Variants in LYRM4 observed in about 807,000 individuals in gnomAD.
The protein encoded by LYRM4 is LYR motif-containing protein 4.
LYRM4 carries 9 observed loss-of-function variants against 11.7 expected under a neutral mutation model. The observed-to-expected ratio is 0.77, with a 90% CI of 0.46 to 1.34. LYRM4 has a LOEUF of 1.34. LYRM4 is among the 40% of genes most tolerant of loss of function. LYRM4 has a pLI of 0.00. For synonymous variants in LYRM4, 42 were observed against 40.4 expected (o/e 1.04, Z -0.15); for missense variants, 133 against 112.5 (o/e 1.18, Z -0.82).
intron 2 of LYRM4, among the ~76,000 whole-genome samples, chr6:5,190,872 C>G (rs1760711875): frequency 6.6e-6 from 1 of 152,156 alleles, no homozygotes; most frequent in Non-Finnish European, 1.5e-5. Context: ...GCTTCAGGAA[C>G]TTCCAGATAT....
chr6:5,071,808 T>G, the LYRM4 span, among the ~76,000 whole-genome samples: 74 of 152,084 alleles, frequency 4.9e-4, 1 homozygote, highest in African/African-American at 1.7e-3. Context: ...CAGCTAATTT[T>G]TGTGTGTGTG....
intron 1 of LYRM4, among the ~76,000 whole-genome samples, chr6:5,257,714 G>A (rs979659390): frequency 2.6e-5 from 4 of 152,164 alleles, no homozygotes; most frequent in Non-Finnish European, 4.4e-5. Context: ...TGCTCCTTAT[G>A]AGAATCTAAT....
chr6:5,225,966 A>G lies in LYRM4; in HGVS notation c.87-9228T>C, dbSNP rs1183168104. 1.3e-5 allele frequency among the ~76,000 whole-genome samples: 2 copies of G among 152,124 alleles called. 1 individual carries two copies. The highest frequency in any genetic ancestry group is 2.9e-5 in the Non-Finnish European group (2 of 68,014). On this transcript the variant is annotated intron_variant, in intron 1 of 2. Coordinates refer to ENST00000330636, the MANE Select transcript of LYRM4 (RefSeq NM_020408.6). ...ATGTCCACCACATTGTCCCAGGTCT[A>G]TTTGTACTTCTGTTTATATCCTTTG...
At chr6:5,142,754 G>T (rs766583584) in intron 2 of LYRM4, among the ~76,000 whole-genome samples, 2 of 152,182 alleles carry the variant, frequency 1.3e-5, no homozygotes, top group Non-Finnish European at 2.9e-5. Flanking sequence ...ATTAGGAGAT[G>T]GTGTAAACTG....
downstream of LYRM4, chr6:5,103,698 G>A (rs1193819495): frequency 4.9e-5 from 7 of 143,672 alleles, no homozygotes; most frequent in South Asian, 2.2e-4. Context: ...GTTCAGTGGC[G>A]TGATCCCGGC....
chr6:5,054,051 T>A, the LYRM4 span: 1 of 881,356 alleles, frequency 1.1e-6, no homozygotes, highest in Non-Finnish European at 1.4e-6. Flanking sequence ...GGGTACACAA[T>A]GTTTTCTAGC....
intron 1 of LYRM4, among the ~76,000 whole-genome samples, chr6:5,245,598 CA>C (rs1171431467): frequency 1.3e-5 from 2 of 152,204 alleles, no homozygotes; most frequent in Non-Finnish European, 2.9e-5. Flanking sequence ...GTGCACCCCA[CA>C]AGCTGTCTGG....
intron 2 of LYRM4, among the ~76,000 whole-genome samples, chr6:5,188,706 T>C (rs1356617344): frequency 2.6e-5 from 4 of 152,174 alleles, no homozygotes; most frequent in Non-Finnish European, 5.9e-5. Context: ...GACAGTGCAT[T>C]AAACATTTTG....
At chr6:5,159,974 C>T (rs986382932) in intron 2 of LYRM4, among the ~76,000 whole-genome samples, 1 of 152,102 alleles carries the variant, frequency 6.6e-6, no homozygotes. Flanking sequence ...TAGTTTTTTG[C>T]TTCCTGAAAT....
chr6:5,227,045 G>T (rs574454284), intron 1 of LYRM4, among the ~76,000 whole-genome samples: 2 of 152,308 alleles, frequency 1.3e-5, no homozygotes, highest in South Asian at 4.1e-4. Flanking sequence ...GTTGGATTAA[G>T]AAGTATTTAG....
chr6:5,059,503 T>G, the LYRM4 span, among the ~76,000 whole-genome samples: 2 of 152,166 alleles, frequency 1.3e-5, no homozygotes, highest in Admixed American at 1.3e-4. Context: ...GAACAGCTAC[T>G]CGACTCCCTT....
the LYRM4 span, among the ~76,000 whole-genome samples, chr6:5,065,015 G>A: frequency 6.6e-6 from 1 of 152,094 alleles, no homozygotes; most frequent in African/African-American, 2.4e-5. Context: ...TAAAACCTCT[G>A]TGCTCTGCCT....
chr6:5,251,937 T>TA (rs1195422909), intron 1 of LYRM4, among the ~76,000 whole-genome samples: 4 of 152,176 alleles, frequency 2.6e-5, no homozygotes, highest in Admixed American at 2.0e-4. Context: ...GGTAATATAT[T>TA]AAAGAGTTCC....
At chr6:5,130,880 A>G (rs1333749488) in intron 2 of LYRM4, among the ~76,000 whole-genome samples, 3 of 152,244 alleles carry the variant, frequency 2.0e-5, no homozygotes, top group Non-Finnish European at 4.4e-5. Context: ...ATAAACAGGG[A>G]ATGAATAGTC....
intron 2 of LYRM4, among the ~76,000 whole-genome samples, chr6:5,171,142 A>G (rs1298730331): frequency 2.0e-5 from 3 of 152,244 alleles, no homozygotes; most frequent in African/African-American, 7.2e-5. Flanking sequence ...TTTCATGATA[A>G]AAAGATTATG....
intron 1 of LYRM4, among the ~76,000 whole-genome samples, chr6:5,249,482 G>A (rs548402649): frequency 2.0e-4 from 31 of 152,224 alleles, no homozygotes; most frequent in African/African-American, 6.7e-4. Context: ...TTTTTATCAC[G>A]AAAGATCATT....
At chr6:5,074,695 A>G in the LYRM4 span, among the ~76,000 whole-genome samples, 1 of 151,646 alleles carries the variant, frequency 6.6e-6, no homozygotes, top group East Asian at 1.9e-4. Context: ...AAATAGGTAT[A>G]TATGGAGAAG....
intron 2 of LYRM4, among the ~76,000 whole-genome samples, chr6:5,125,530 T>C (rs953190565): frequency 1.3e-5 from 2 of 152,000 alleles, no homozygotes; most frequent in African/African-American, 4.8e-5. Context: ...AGAGAAGGAG[T>C]CACCTGTGTA....
intron 2 of LYRM4, chr6:5,144,384 T>C: frequency 9.1e-7 from 1 of 1,097,902 alleles, no homozygotes; most frequent in Non-Finnish European, 1.3e-6. Flanking sequence ...AAGCCTGTAA[T>C]TCCAGCACTT....
Sources: allele counts gnomAD v4.1 joint callset (sites outside exome capture counted in the v4.1 genomes callset), GRCh38; gene constraint gnomAD v4.1.1; transcripts MANE v1.5; gene names NCBI Gene and HGNC (gene_info 2026-07-23, HGNC 2026-07-21).